The following SEMA3D variants were observed in gnomAD, a reference collection of about 807,000 sequenced individuals.
SEMA3D encodes the protein semaphorin-3D.
In SEMA3D, 84 loss-of-function variants were observed where a neutral mutation model predicts 100.1. The ratio of observed to expected loss-of-function variants is 0.84; its 90% CI spans 0.70 to 1.01. The LOEUF (loss-of-function observed/expected upper bound fraction) is 1.01. Among genes scored for constraint, SEMA3D ranks in the 50% least tolerant of loss-of-function variants. The pLI is 0.00. For synonymous variants in SEMA3D, 312 were observed against 320.7 expected (o/e 0.97, Z 0.29); for missense variants, 875 against 934.1 (o/e 0.94, Z 0.82).
At chr7:85,177,985 TAGTG>T (rs1180889972) in intron 1 of SEMA3D, among the ~76,000 whole-genome samples, 2 of 152,124 alleles carry the variant, frequency 1.3e-5, no homozygotes, top group Non-Finnish European at 2.9e-5. Context: ...GTTCTCGTGA[TAGTG>T]AGTGAGTTCT....
chr7:85,217,493 A>C, the SEMA3D span, among the ~76,000 whole-genome samples: 1 of 152,106 alleles, frequency 6.6e-6, no homozygotes, highest in Non-Finnish European at 1.5e-5. Flanking sequence ...TATTCTGGAC[A>C]CTTAATTCAA....
intron 12 of SEMA3D, among the ~76,000 whole-genome samples, chr7:85,032,228 T>C (rs538285149): frequency 6.1e-4 from 93 of 152,132 alleles, no homozygotes; most frequent in Admixed American, 2.1e-3. Flanking sequence ...GAAATATAAT[T>C]TCAATGATTT....
intron 11 of SEMA3D, among the ~76,000 whole-genome samples, chr7:85,038,807 A>G (rs1242814552): frequency 6.6e-6 from 1 of 152,126 alleles, no homozygotes; most frequent in Non-Finnish European, 1.5e-5. Context: ...GCTTCCTAGG[A>G]TATCTTCTTT....
upstream of SEMA3D, among the ~76,000 whole-genome samples, chr7:85,191,156 T>C (rs1231338495): frequency 6.6e-6 from 1 of 152,116 alleles, no homozygotes; most frequent in African/African-American, 2.4e-5. Flanking sequence ...TCCAGCCTCT[T>C]TGGCCCAAAT....
chr7:85,053,828 TC>T (rs1227310668), intron 9 of SEMA3D, among the ~76,000 whole-genome samples: 2 of 152,024 alleles, frequency 1.3e-5, no homozygotes, highest in Non-Finnish European at 2.9e-5. Flanking sequence ...AATAAATTCA[TC>T]CATCATATAT....
rs542898682 is a variant in SEMA3D at position 85,066,892 on chromosome 7, T to TCACA, written c.589+1295_589+1298dup. ...GCTAACTTCTAAAGGAAATGTGCGC[T>TCACA]CACACACACACACACACACACAGAG... On this transcript the variant is annotated intron_variant, in intron 7 of 18. Coordinates refer to ENST00000284136, the MANE Select transcript of SEMA3D (RefSeq NM_001384900.1). Among the ~76,000 whole-genome samples the TCACA allele has an allele frequency of 2.1e-3, 224 of 106,928 alleles. 1 individual carries two copies. Among genetic ancestry groups the TCACA allele is most frequent in the African/African-American group, 8.2e-3 (210 of 25,486 alleles). 70.1% of individuals were successfully genotyped at this position (106,928 alleles called of 152,430 possible).
chr7:85,018,728 A>G (rs913986542), intron 14 of SEMA3D, among the ~76,000 whole-genome samples: 7 of 151,900 alleles, frequency 4.6e-5, no homozygotes, highest in African/African-American at 1.7e-4. Context: ...TTGAGAAGTT[A>G]TAGTGCTCCT....
At chr7:85,225,368 T>C in the SEMA3D span, among the ~76,000 whole-genome samples, 1 of 151,092 alleles carries the variant, frequency 6.6e-6, no homozygotes, top group African/African-American at 2.4e-5. Flanking sequence ...ATCTCCAGCC[T>C]TTAGGTGATA....
rs77193345 is a variant in SEMA3D, at chr7:85,135,780, T to TA, written c.-40-13850dup. On this transcript the variant is annotated intron_variant, in intron 2 of 18. Coordinates refer to ENST00000284136, the MANE Select transcript of SEMA3D (RefSeq NM_001384900.1). ...CCTCTTCCTATCCCTGTTGGCTCAG[T>TA]AAAAAAAAAAAAAAAATTATAATAA... Among the ~76,000 whole-genome samples the TA allele has an allele frequency of 1.4e-3, 194 of 142,278 alleles. 1 individual carries two copies. Among genetic ancestry groups the TA allele is most frequent in the Middle Eastern group, 7.5e-3 (2 of 268 alleles). 93.3% of individuals were successfully genotyped at this position (142,278 alleles called of 152,430 possible).
chr7:85,134,556 C>CGAA (rs1789806081), intron 2 of SEMA3D, among the ~76,000 whole-genome samples: 2 of 151,892 alleles, frequency 1.3e-5, no homozygotes, highest in South Asian at 2.1e-4. Flanking sequence ...TTCATTTGTA[C>CGAA]CTTCCAGAAC....
chr7:85,073,773 C>T (rs184334208), intron 5 of SEMA3D, among the ~76,000 whole-genome samples: 1 of 152,130 alleles, frequency 6.6e-6, no homozygotes, highest in African/African-American at 2.4e-5. Context: ...TGTTACAGAG[C>T]CTCTAAGAAT....
intron 5 of SEMA3D, among the ~76,000 whole-genome samples, chr7:85,075,383 C>T (rs1443836353): frequency 6.7e-6 from 1 of 149,454 alleles, no homozygotes; most frequent in Non-Finnish European, 1.5e-5. Context: ...TGGTCCAGGG[C>T]AACATTTTAT....
intron 2 of SEMA3D, 142 bp from the exon 3 acceptor site, chr7:85,122,073 A>G: frequency 4.0e-6 from 2 of 501,524 alleles, no homozygotes; most frequent in Non-Finnish European, 6.9e-6. Flanking sequence ...AACATAGCAT[A>G]CCAGGGCCTG....
chr7:85,112,977 G>A (rs1789133039), intron 3 of SEMA3D, among the ~76,000 whole-genome samples: 2 of 152,224 alleles, frequency 1.3e-5, no homozygotes, highest in South Asian at 4.2e-4. Flanking sequence ...TTTTCTTGCT[G>A]ATGACTTATA....
At chr7:85,166,170 A>G (rs1401011696) in intron 1 of SEMA3D, among the ~76,000 whole-genome samples, 2 of 152,058 alleles carry the variant, frequency 1.3e-5, no homozygotes, top group South Asian at 2.1e-4. Context: ...ACATTCAAAC[A>G]TGCTATATAT....
At chr7:85,142,454 C>T in intron 2 of SEMA3D, 2 of 963,690 alleles carry the variant, frequency 2.1e-6, no homozygotes, top group Non-Finnish European at 2.5e-6. Context: ...ATAAAAGACA[C>T]AGATTACATC....
chr7:85,123,228 T>C (rs1372378005), intron 2 of SEMA3D, among the ~76,000 whole-genome samples: 3 of 152,120 alleles, frequency 2.0e-5, no homozygotes, highest in Admixed American at 2.0e-4. Flanking sequence ...AATCTAGTGA[T>C]CTTCAGCTCC....
the SEMA3D span, among the ~76,000 whole-genome samples, chr7:85,221,481 C>T: frequency 6.6e-6 from 1 of 152,012 alleles, no homozygotes; most frequent in African/African-American, 2.4e-5. Flanking sequence ...CACTGTGTTC[C>T]TGAAACCTGT....
rs377637243 is a variant in SEMA3D, at chr7:84,999,459, G to A, written c.2315C>T (p.Pro772Leu). 1 of 1,613,698 alleles carries A rather than the reference G, an allele frequency of 6.2e-7. No homozygotes were observed. Among genetic ancestry groups the A allele is most frequent in the South Asian group, 1.1e-5 (1 of 91,052 alleles). ...AGAAAACTACGTGGCTACAGCTCTA[G>A]GGAGCTCATCCAGGTCTCTGTGATG... ...RRHHRDLDEL[P>L]RAVAT The change falls in exon 19 of 19, where the codon CCT becomes CTT. Residue 772 changes from proline to leucine, a missense_variant. Coordinates refer to ENST00000284136, the MANE Select transcript of SEMA3D (RefSeq NM_001384900.1).
Sources: gnomAD v4.1 joint callset for allele counts (sites outside exome capture counted in the v4.1 genomes callset) on GRCh38, gnomAD v4.1.1 for gene constraint, MANE v1.5 for transcripts, NCBI Gene and HGNC (gene_info 2026-07-23, HGNC 2026-07-21) for gene names.